PRKCA: variants seen among roughly 807,000 people sequenced by gnomAD.
PRKCA encodes the protein protein kinase C alpha type.
A neutral mutation model predicts 87.0 loss-of-function variants in PRKCA; 27 were observed. The observed-to-expected ratio is 0.31, with a 90% CI of 0.23 to 0.43. The LOEUF (loss-of-function observed/expected upper bound fraction) is 0.43. Ranked by LOEUF, PRKCA falls within the 20% of genes least tolerant of loss-of-function variation. PRKCA has a pLI of 1.00. For synonymous variants in PRKCA, 329 were observed against 311.1 expected (o/e 1.06, Z -0.61); for missense variants, 518 against 852.3 (o/e 0.61, Z 4.88).
At chr17:66,445,802 T>A (rs1914004824) in intron 2 of PRKCA, among the ~76,000 whole-genome samples, 1 of 151,990 alleles carries the variant, frequency 6.6e-6, no homozygotes, top group African/African-American at 2.4e-5. Context: ...CACTTTTTTT[T>A]TTTTTCTTCT....
intron 3 of PRKCA, among the ~76,000 whole-genome samples, chr17:66,628,842 C>T (rs1318318059): frequency 6.6e-6 from 1 of 152,134 alleles, no homozygotes; most frequent in Non-Finnish European, 1.5e-5. Flanking sequence ...AGCCTGACCA[C>T]ATGGAGAAAC....
intron 2 of PRKCA, among the ~76,000 whole-genome samples, chr17:66,360,775 C>T (rs1174455720): frequency 6.6e-6 from 1 of 152,130 alleles, no homozygotes; most frequent in South Asian, 2.1e-4. Flanking sequence ...CTTGGCCCTT[C>T]CAGTGCTACA....
At chr17:66,700,280 A>C (rs1008549137) in intron 8 of PRKCA, among the ~76,000 whole-genome samples, 15 of 152,204 alleles carry the variant, frequency 9.9e-5, no homozygotes, top group Non-Finnish European at 1.9e-4. Flanking sequence ...ACTCTCAACA[A>C]ATTAGGTATA....
intron 8 of PRKCA, among the ~76,000 whole-genome samples, chr17:66,721,550 C>A (rs539329206): frequency 1.3e-5 from 2 of 152,088 alleles, no homozygotes; most frequent in Non-Finnish European, 2.9e-5. Context: ...ATTCCCAGCA[C>A]TGAGGGGTCC....
At chr17:66,507,998 ATTATAACTGTGTTATT>A (rs1473455807) in intron 3 of PRKCA, among the ~76,000 whole-genome samples, 4 of 152,228 alleles carry the variant, frequency 2.6e-5, no homozygotes, top group Non-Finnish European at 4.4e-5. Flanking sequence ...TCTAGCTGTC[ATTATAACTGTGTTATT>A]TTATTTATTT....
chr17:66,707,484 T>C (rs939472600), intron 8 of PRKCA, among the ~76,000 whole-genome samples: 1 of 152,200 alleles, frequency 6.6e-6, no homozygotes, highest in Non-Finnish European at 1.5e-5. Flanking sequence ...GAGGCCATTT[T>C]AGAGCCACGA....
chr17:66,478,548 C>G (rs1440338233), intron 2 of PRKCA, among the ~76,000 whole-genome samples: 2 of 152,038 alleles, frequency 1.3e-5, no homozygotes. Context: ...ACCACCGCGC[C>G]CAGCCCATAT....
chr17:66,740,846 C>T (rs1220994780), intron 11 of PRKCA, among the ~76,000 whole-genome samples: 1 of 152,166 alleles, frequency 6.6e-6, no homozygotes, highest in East Asian at 1.9e-4. Flanking sequence ...TAAAGATCAC[C>T]TGTAGTAATC....
chr17:66,360,722 T>C (rs1254714959), intron 2 of PRKCA, among the ~76,000 whole-genome samples: 1 of 152,098 alleles, frequency 6.6e-6, no homozygotes, highest in Non-Finnish European at 1.5e-5. Flanking sequence ...TTATGGAAAA[T>C]CTTAAAACCC....
chr17:66,692,634 C>T (rs1358779753), intron 8 of PRKCA, among the ~76,000 whole-genome samples: 2 of 152,136 alleles, frequency 1.3e-5, no homozygotes, highest in African/African-American at 4.8e-5. Flanking sequence ...TCTTTGAGCC[C>T]CCACCCCGTT....
chr17:66,733,022 G>A (rs1189300571), intron 9 of PRKCA, among the ~76,000 whole-genome samples, 197 bp downstream of exon 9: 1 of 151,862 alleles, frequency 6.6e-6, no homozygotes, highest in Non-Finnish European at 1.5e-5. Flanking sequence ...ATGGTGGTGG[G>A]CGCCTGTAGT....
intron 3 of PRKCA, among the ~76,000 whole-genome samples, chr17:66,629,587 A>G (rs1970954415): frequency 6.6e-6 from 1 of 152,226 alleles, no homozygotes; most frequent in African/African-American, 2.4e-5. Flanking sequence ...AGAGGTTTGC[A>G]TAATTTAGAT....
Position 66,792,056 on chromosome 17 carries a change from G to A in PRKCA, c.1854+3077G>A, listed in dbSNP as rs930441467. On this transcript the variant is annotated intron_variant, in intron 16 of 16. Coordinates refer to ENST00000413366, the MANE Select transcript of PRKCA (RefSeq NM_002737.3). The surrounding 1 kb of genome is among the most constrained non-coding windows in gnomAD (Gnocchi z 4.5). ...TGTCACACAGCTAGCGACTCTCACC[G>A]TGAGCCCATTTCTGAGTGGCTCTCG... is the stretch of plus-strand genomic sequence containing the variant. Among the ~76,000 whole-genome samples, 5 of 152,192 alleles carry A rather than the reference G, an allele frequency of 3.3e-5. No individual in the cohort carries two copies. Among genetic ancestry groups the A allele is most frequent in the African/African-American group, 4.8e-5 (2 of 41,466 alleles).
intron 2 of PRKCA, among the ~76,000 whole-genome samples, chr17:66,485,566 C>A (rs1303271823): frequency 6.6e-6 from 1 of 152,138 alleles, no homozygotes; most frequent in Non-Finnish European, 1.5e-5. Context: ...TCTGGAGCCA[C>A]ACTTTGTTTT....
chr17:66,787,077 C>T (rs747653731), intron 15 of PRKCA, 103 bp downstream of exon 15: 32 of 930,724 alleles, frequency 3.4e-5, no homozygotes, highest in Admixed American at 5.1e-5. Flanking sequence ...ACCACAAACC[C>T]ACACCACTGC....
chr17:66,397,157 G>C (rs1308251374), intron 2 of PRKCA, among the ~76,000 whole-genome samples: 1 of 150,702 alleles, frequency 6.6e-6, no homozygotes, highest in Non-Finnish European at 1.5e-5. Flanking sequence ...GTAGAGACAG[G>C]GTTTCTCCAT....
chr17:66,648,126 T>C (rs927977543), intron 5 of PRKCA, among the ~76,000 whole-genome samples: 6 of 152,190 alleles, frequency 3.9e-5, no homozygotes, highest in African/African-American at 1.4e-4. Flanking sequence ...TGTCCTCACA[T>C]GGCAGAAGGA....
chr17:66,514,682 A>T (rs555550293), intron 3 of PRKCA, among the ~76,000 whole-genome samples: 1 of 152,056 alleles, frequency 6.6e-6, no homozygotes, highest in Non-Finnish European at 1.5e-5. Context: ...TAGGTGTGAG[A>T]TGCCTGCTTC....
At chr17:66,326,028 C>T (rs1165979744) in intron 2 of PRKCA, among the ~76,000 whole-genome samples, 2 of 152,182 alleles carry the variant, frequency 1.3e-5, no homozygotes, top group East Asian at 1.9e-4. Context: ...TAGGAATAAC[C>T]GGAGGACCTA....
Sources: allele counts gnomAD v4.1 joint callset (sites outside exome capture counted in the v4.1 genomes callset), GRCh38; gene constraint gnomAD v4.1.1; non-coding constraint Gnocchi (gnomAD v3.1); transcripts MANE v1.5; gene names NCBI Gene and HGNC (gene_info 2026-07-23, HGNC 2026-07-21).